MEAK7: variants seen among roughly 807,000 people sequenced by gnomAD.
MEAK7 encodes MTOR associated protein MEAK7.
In MEAK7, 68 loss-of-function variants were observed where a neutral mutation model predicts 40.5. The ratio of observed to expected loss-of-function variants is 1.68; its 90% CI spans 1.38 to 2.06. MEAK7 has a LOEUF of 2.06. Ranked by LOEUF, MEAK7 falls within the 30% of genes most tolerant of loss-of-function variation. MEAK7 has a pLI of 0.00. For missense variants in MEAK7, 918 were observed against 580.5 expected (o/e 1.58, Z -5.98); for synonymous variants, 338 against 231.9 (o/e 1.46, Z -4.16).
chr16:84,485,322 A>G (rs961989297), intron 5 of MEAK7, among the ~76,000 whole-genome samples: 1 of 152,240 alleles, frequency 6.6e-6, no homozygotes, highest in African/African-American at 2.4e-5. Context: ...GATATAAATC[A>G]AACCCTAGAA....
intron 3 of MEAK7, among the ~76,000 whole-genome samples, chr16:84,490,684 G>GTA (rs1486688603): frequency 6.6e-6 from 1 of 150,758 alleles, no homozygotes; most frequent in Non-Finnish European, 1.5e-5. Context: ...GTGTGTGTGT[G>GTA]TGTGTGTGTG....
intron 6 of MEAK7, among the ~76,000 whole-genome samples, chr16:84,481,143 C>T (rs1318490245): frequency 6.6e-6 from 1 of 152,236 alleles, no homozygotes; most frequent in African/African-American, 2.4e-5. Flanking sequence ...CGATCCTCAC[C>T]CCAAGACAGG....
intron 3 of MEAK7, among the ~76,000 whole-genome samples, chr16:84,492,509 T>C (rs1427954592): frequency 6.6e-6 from 1 of 152,058 alleles, no homozygotes; most frequent in Non-Finnish European, 1.5e-5. Context: ...GTTAGCACTT[T>C]GGCTAAATGA....
intron 2 of MEAK7, 93 bp downstream of exon 2, chr16:84,497,840 AT>A: frequency 6.4e-7 from 1 of 1,559,430 alleles, no homozygotes; most frequent in South Asian, 1.1e-5. Context: ...CATCCATCCC[AT>A]TACAAAAACA....
At chr16:84,502,860 A>T (rs765199840) in intron 1 of MEAK7, 27 of 152,230 alleles carry the variant, frequency 1.8e-4, no homozygotes, top group Admixed American at 3.3e-4. Flanking sequence ...ACAGAGCAAG[A>T]CTCTGTCTCA....
At position 84,482,642 on chromosome 16, in the gene MEAK7, C is replaced by G. The variant is rs751723144; in HGVS notation, c.1027G>C (p.Asp343His). Residue 343 changes from aspartate (D) to histidine (H), a missense_variant, in exon 6 of 8, where the codon GAC (aspartate) becomes CAC (histidine). By Grantham distance (81) the Asp-to-His change is moderately conservative (BLOSUM62 -1). Transcript: ENST00000343629. ...MAVYTHTGYN[D>H]HYMYLNHGQQ... ...CCATGGTTCAAGTACATGTAGTGGT[C>G]GTTGTAGCCCGTGTGTGTGTACACA... 3 of 1,614,084 alleles carry G rather than the reference C, an allele frequency of 1.9e-6. No individual in the cohort carries two copies. Among genetic ancestry groups the G allele is most frequent in the Non-Finnish European group, 2.5e-6 (3 of 1,180,050 alleles).
At position 84,500,458 on chromosome 16, in the gene MEAK7, C is replaced by T. The variant is rs575215352; in HGVS notation, c.-25-2347G>A. On this transcript the variant is annotated intron_variant, in intron 1 of 7. Transcript: ENST00000343629. ...CCCCCACTAAAGCGAGTTATTTCTC[C>T]GCCTTTTATATGACACCCATCTTCG... Among the ~76,000 whole-genome samples, 17 of 152,324 alleles carry T rather than the reference C, an allele frequency of 1.1e-4. No homozygotes were observed. The South Asian group carries it at 2.7e-3, about 24-fold the overall frequency.
intron 5 of MEAK7, among the ~76,000 whole-genome samples, chr16:84,484,492 T>C (rs1912861099): frequency 6.6e-6 from 1 of 152,184 alleles, no homozygotes; most frequent in South Asian, 2.1e-4. Flanking sequence ...TCCAAAGCCT[T>C]GGGCCTTTTC....
At chr16:84,497,462 G>C (rs1177914151) in intron 2 of MEAK7, 7 of 1,289,864 alleles carry the variant, frequency 5.4e-6, no homozygotes, top group Admixed American at 2.3e-5. Flanking sequence ...ATGGTTCCTG[G>C]ACCGACGAGT....
Position 84,503,941 on chromosome 16 carries a change from C to G in MEAK7, c.-26+660G>C, listed in dbSNP as rs1417459427. 3 of 985,494 alleles carry G rather than the reference C, an allele frequency of 3.0e-6. No homozygotes were observed. The African/African-American group carries it at 5.2e-5, about 17-fold the overall frequency. The allele number at this position is 985,494 out of a possible 1,614,324, so 61.0% of individuals were successfully genotyped here. Reference sequence around the variant, plus strand: ...AGGGCCCCGCATCCCTAGAGCCACACAAGGGTCCCTCCGTACCCCCACAAG... The same window carrying G: ...AGGGCCCCGCATCCCTAGAGCCACAGAAGGGTCCCTCCGTACCCCCACAAG... On this transcript the variant is annotated intron_variant, in intron 1 of 7. Transcript: ENST00000343629.
chr16:84,480,300 G>A (rs994163709), intron 7 of MEAK7, among the ~76,000 whole-genome samples: 2 of 152,080 alleles, frequency 1.3e-5, no homozygotes, highest in East Asian at 1.9e-4. Flanking sequence ...ACCTGGGCTC[G>A]CACTTGGGGA....
intron 3 of MEAK7, among the ~76,000 whole-genome samples, chr16:84,490,209 C>G (rs971576792): frequency 1.2e-4 from 18 of 150,756 alleles, no homozygotes; most frequent in African/African-American, 4.4e-4. Context: ...CTGACTTGGT[C>G]AAATCCGAGG....
intron 1 of MEAK7, among the ~76,000 whole-genome samples, chr16:84,503,180 A>T (rs1352868573): frequency 6.7e-6 from 1 of 148,336 alleles, no homozygotes; most frequent in African/African-American, 2.5e-5. Context: ...ACAATAACTG[A>T]TAAGTGCATA....
In MEAK7 at chr16:84,487,074, T is replaced by C. The variant is rs906033620; in HGVS notation, c.530-15A>G. On this transcript the variant is annotated splice_polypyrimidine_tract_variant and intron_variant, in intron 4 of 7. Coordinates refer to ENST00000343629, the MANE Select transcript of MEAK7 (RefSeq NM_020947.4). ...TCTCTTGCCATCTAGGGGAAGGGGA[T>C]GGTCAGCATTAGTGGGGCTGTTATG... 1.9e-6 allele frequency: 3 copies of C among 1,601,360 alleles called. No individual in the cohort carries two copies. Among genetic ancestry groups the C allele is most frequent in the Non-Finnish European group, 1.7e-6 (2 of 1,173,988 alleles).
chr16:84,491,641 A>G (rs188765362), intron 3 of MEAK7, among the ~76,000 whole-genome samples: 1 of 151,890 alleles, frequency 6.6e-6, no homozygotes, highest in African/African-American at 2.4e-5. Context: ...GATCAAGGCC[A>G]TACTGGCTAA....
intron 3 of MEAK7, among the ~76,000 whole-genome samples, chr16:84,492,573 A>ATTTATTTATTTATTTATTTT (rs1882168400): frequency 6.7e-6 from 1 of 149,494 alleles, no homozygotes; most frequent in Non-Finnish European, 1.5e-5. Flanking sequence ...GTTTTATTTT[A>ATTTATTTATTTATTTATTTT]TTTATTTATT....
In MEAK7 at chr16:84,479,573, G is replaced by C; in HGVS notation, c.*340C>G. On this transcript the variant is annotated 3_prime_UTR_variant, in exon 8 of 8. Transcript: ENST00000343629. Reference sequence around the variant, plus strand: ...GCCAGCGGAATTCCCTAATGCCAGCGGGGGTCTGAAAGGTCTCAGCTGCTT... The same window carrying C: ...GCCAGCGGAATTCCCTAATGCCAGCCGGGGTCTGAAAGGTCTCAGCTGCTT... 5.2e-6 allele frequency: 1 copy of C among 191,950 alleles called. No individual in the cohort carries two copies. Among genetic ancestry groups the C allele is most frequent in the Non-Finnish European group, 1.1e-5 (1 of 94,790 alleles). The allele number at this position is 191,950 out of a possible 1,614,324, so 11.9% of individuals were successfully genotyped here.
At chr16:84,496,689 G>A (rs1914080403) in intron 2 of MEAK7, among the ~76,000 whole-genome samples, 1 of 152,010 alleles carries the variant, frequency 6.6e-6, no homozygotes, top group Admixed American at 6.6e-5. Flanking sequence ...CAGGATGCAG[G>A]ACGTTCTCTC....
intron 4 of MEAK7, 122 bp from the exon 5 acceptor site, chr16:84,487,181 G>A: frequency 2.2e-6 from 2 of 926,608 alleles, no homozygotes; most frequent in Admixed American, 3.2e-5. Flanking sequence ...ACAGAAAACA[G>A]GGCTCGTGTG....
Sources: allele counts gnomAD v4.1 joint callset (sites outside exome capture counted in the v4.1 genomes callset), GRCh38; gene constraint gnomAD v4.1.1; transcripts MANE v1.5; gene names NCBI Gene and HGNC (gene_info 2026-07-23, HGNC 2026-07-21).